Variants in DOCK4 observed in about 807,000 individuals in gnomAD.
DOCK4 encodes the protein dedicator of cytokinesis protein 4.
In DOCK4, 97 loss-of-function variants were observed where a neutral mutation model predicts 268.1. That is an observed-to-expected ratio of 0.36 (90% CI 0.31 to 0.43). The LOEUF is 0.43. Among genes scored for constraint, DOCK4 ranks in the 20% least tolerant of loss-of-function variants. The probability of loss-of-function intolerance (pLI) is 1.00; values close to 1 mark genes in which losing one functional copy is unlikely to be tolerated. For synonymous variants in DOCK4, 954 were observed against 887.2 expected, an observed-to-expected ratio of 1.08 and a Z score of -1.34; for missense variants, 2,145 against 2,455.7, an observed-to-expected ratio of 0.87 and a Z score of 2.67.
chr7:112,206,268 G>C lies in DOCK4; in HGVS notation c.-130C>G. 1 of 1,039,976 alleles carries C rather than the reference G, an allele frequency of 9.6e-7. No individual in the cohort carries two copies. 64.4% of individuals were successfully genotyped at this position (1,039,976 alleles called of 1,614,324 possible). ...CGGCTTCGCGCGGGCTGCGGGCGCT[G>C]GGCAGGATCTGCGCTGGAGGCTCCC... On this transcript the variant is annotated 5_prime_UTR_variant, in exon 1 of 53. Transcript: ENST00000428084.
intron 27 of DOCK4, among the ~76,000 whole-genome samples, chr7:111,817,176 C>G (rs112223065): frequency 6.6e-6 from 1 of 152,194 alleles, no homozygotes; most frequent in Non-Finnish European, 1.5e-5. Context: ...GCAAGCAATT[C>G]TTTTGTCATT....
chr7:112,040,855 C>T (rs965632727), intron 1 of DOCK4, among the ~76,000 whole-genome samples: 2 of 152,066 alleles, frequency 1.3e-5, no homozygotes, highest in African/African-American at 4.8e-5. Flanking sequence ...TAAATTTGTG[C>T]ATATGTATAT....
chr7:111,933,271 C>CAT (rs1455136442), intron 12 of DOCK4, among the ~76,000 whole-genome samples: 1 of 115,844 alleles, frequency 8.6e-6, no homozygotes, highest in Non-Finnish European at 1.8e-5. Context: ...TATATATATA[C>CAT]ATATATACAT....
Position 111,746,017 on chromosome 7 carries a change from G to A in DOCK4, c.4677+317C>T, listed in dbSNP as rs1447538755. Among the ~76,000 whole-genome samples the A allele has an allele frequency of 2.0e-5, 3 of 152,004 alleles. No individual in the cohort carries two copies. The East Asian group carries it at 5.8e-4, about 29-fold the overall frequency. On this transcript the variant is annotated intron_variant, in intron 44 of 52. Coordinates refer to ENST00000428084, the MANE Select transcript of DOCK4 (RefSeq NM_001363540.2). ...ATAATAAATTTTGTTATTTGACTTG[G>A]GTCCCTCCCCCAAGATATCTCTTAT...
intron 1 of DOCK4, among the ~76,000 whole-genome samples, chr7:112,011,652 T>C (rs1338897341): frequency 6.6e-6 from 1 of 151,284 alleles, no homozygotes; most frequent in Non-Finnish European, 1.5e-5. Context: ...ACCCGTTTTA[T>C]TCTCCAAAGG....
At chr7:112,000,094 T>C (rs1016483177) in intron 3 of DOCK4, among the ~76,000 whole-genome samples, 24 of 152,244 alleles carry the variant, frequency 1.6e-4, no homozygotes, top group African/African-American at 5.8e-4. Context: ...CCGCTAAGTA[T>C]ACTTGTTTCT....
chr7:111,850,461 C>T (rs1450707880), intron 23 of DOCK4, among the ~76,000 whole-genome samples: 2 of 152,142 alleles, frequency 1.3e-5, no homozygotes. Context: ...CACCTATCAC[C>T]ATGACCCTCA....
intron 16 of DOCK4, among the ~76,000 whole-genome samples, chr7:111,879,489 C>A (rs1337134839): frequency 6.6e-6 from 1 of 152,132 alleles, no homozygotes; most frequent in African/African-American, 2.4e-5. Flanking sequence ...CCAGCTCAGT[C>A]ACAGTGGGGT....
chr7:111,738,363 T>C (rs1795649957), intron 49 of DOCK4, among the ~76,000 whole-genome samples: 1 of 152,172 alleles, frequency 6.6e-6, no homozygotes, highest in Non-Finnish European at 1.5e-5. Flanking sequence ...CCTATACTCA[T>C]GGGTACCCAG....
intron 13 of DOCK4, among the ~76,000 whole-genome samples, chr7:111,904,353 C>T (rs1791386517): frequency 6.6e-6 from 1 of 152,048 alleles, no homozygotes; most frequent in Admixed American, 6.6e-5. Context: ...TTAATAAATA[C>T]ATAAATAAGT....
At chr7:112,031,451 T>C (rs977984816) in intron 1 of DOCK4, among the ~76,000 whole-genome samples, 1 of 152,156 alleles carries the variant, frequency 6.6e-6, no homozygotes, top group African/African-American at 2.4e-5. Context: ...CTCCCTCTTC[T>C]CTGTCCTTCC....
At chr7:111,953,401 C>T (rs1480593883) in intron 8 of DOCK4, among the ~76,000 whole-genome samples, 1 of 152,102 alleles carries the variant, frequency 6.6e-6, no homozygotes, top group Non-Finnish European at 1.5e-5. Context: ...CCCTAAAAGG[C>T]AATAGAATAC....
intron 1 of DOCK4, among the ~76,000 whole-genome samples, chr7:112,102,982 A>G (rs1810827653): frequency 1.3e-5 from 2 of 152,254 alleles, no homozygotes; most frequent in Admixed American, 1.3e-4. Context: ...GTAAAATAAG[A>G]AGTTTAAAAA....
intron 23 of DOCK4, among the ~76,000 whole-genome samples, chr7:111,849,670 G>A (rs1291666929): frequency 6.6e-6 from 1 of 152,138 alleles, no homozygotes; most frequent in Non-Finnish European, 1.5e-5. Context: ...CAAAATCTCT[G>A]TATGCCTAGG....
At chr7:111,837,068 C>T (rs1803293546) in intron 25 of DOCK4, among the ~76,000 whole-genome samples, 1 of 151,848 alleles carries the variant, frequency 6.6e-6, no homozygotes, top group African/African-American at 2.4e-5. Context: ...AAGAAAATTA[C>T]ACCAAGGCAC....
At chr7:111,909,957 G>A (rs530100372) in intron 13 of DOCK4, among the ~76,000 whole-genome samples, 38 of 144,626 alleles carry the variant, frequency 2.6e-4, no homozygotes, top group African/African-American at 9.7e-4. Context: ...TGGAGACCCT[G>A]TTTAAAAAAA....
At chr7:111,789,257 T>C (rs901708685) in intron 31 of DOCK4, 1 of 159,124 alleles carries the variant, frequency 6.3e-6, no homozygotes, top group African/African-American at 2.4e-5. Flanking sequence ...GGTAGATCCA[T>C]AGCAATAGTC....
At position 112,063,055 on chromosome 7, in the gene DOCK4, G is replaced by A. The variant is rs185576518; in HGVS notation, c.38-58924C>T. 2.1e-3 allele frequency among the ~76,000 whole-genome samples: 326 copies of A among 152,312 alleles called. 1 individual carries two copies. Among genetic ancestry groups the A allele is most frequent in the Admixed American group, 4.6e-3 (70 of 15,300 alleles). ...CACAGTTGCCTCCCAAAAAGAGAGA[G>A]AAGTTATAAGCAGAAAATTCAGGTA... is the stretch of plus-strand genomic sequence containing the variant. On this transcript the variant is annotated intron_variant, in intron 1 of 52. Transcript: ENST00000428084.
At chr7:111,952,264 G>T (rs1377140948) in intron 8 of DOCK4, among the ~76,000 whole-genome samples, 2 of 152,140 alleles carry the variant, frequency 1.3e-5, no homozygotes, top group African/African-American at 4.8e-5. Context: ...CTCTAATGAT[G>T]ACAAGTGTGT....
Sources: gnomAD v4.1 joint callset for allele counts (sites outside exome capture counted in the v4.1 genomes callset) on GRCh38, gnomAD v4.1.1 for gene constraint, MANE v1.5 for transcripts, NCBI Gene and HGNC (gene_info 2026-07-23, HGNC 2026-07-21) for gene names.